ACER3: variants seen among roughly 807,000 people sequenced by gnomAD.
The protein encoded by ACER3 is alkCDase 3.
A neutral mutation model predicts 48.9 loss-of-function variants in ACER3; 16 were observed. The ratio of observed to expected loss-of-function variants is 0.33; its 90% CI spans 0.22 to 0.50. The LOEUF (loss-of-function observed/expected upper bound fraction) is 0.50. Among genes scored for constraint, ACER3 ranks in the 20% least tolerant of loss-of-function variants. The pLI, the probability that ACER3 is intolerant of heterozygous loss-of-function variation, is 0.98. For missense variants in ACER3, 227 were observed against 326.0 expected, an observed-to-expected ratio of 0.70 and a Z score of 2.34; for synonymous variants, 109 against 107.8, an observed-to-expected ratio of 1.01 and a Z score of -0.07.
At chr11:76,869,661 A>G (rs1945190266) in intron 1 of ACER3, among the ~76,000 whole-genome samples, 1 of 80,956 alleles carries the variant, frequency 1.2e-5, no homozygotes, top group Admixed American at 1.5e-4. Flanking sequence ...CCTTCTAGTC[A>G]CTGGCAACCA....
intron 2 of ACER3, among the ~76,000 whole-genome samples, chr11:76,954,593 T>G (rs1297096706): frequency 6.2e-5 from 2 of 32,158 alleles, no homozygotes; most frequent in Non-Finnish European, 2.1e-4. Flanking sequence ...TTTGGTTGGT[T>G]TTTTTTTTTG....
At chr11:76,998,447 A>AAGAGAAGAGAGGAGCTAC in intron 6 of ACER3, 2 of 294,446 alleles carry the variant, frequency 6.8e-6, no homozygotes, top group South Asian at 4.0e-5. Flanking sequence ...AGAGGAGCTA[A>AAGAGAAGAGAGGAGCTAC]AGATTATGAG....
intron 6 of ACER3, among the ~76,000 whole-genome samples, chr11:76,993,174 C>A (rs1168694990): frequency 6.6e-6 from 1 of 152,168 alleles, no homozygotes; most frequent in African/African-American, 2.4e-5. Context: ...CTGTGCCCAG[C>A]CTGAACAAAC....
intron 1 of ACER3, among the ~76,000 whole-genome samples, chr11:76,904,049 C>T (rs1946152248): frequency 6.6e-6 from 1 of 152,064 alleles, no homozygotes; most frequent in South Asian, 2.1e-4. Flanking sequence ...TGCAGTGGTG[C>T]AATTTTGGCT....
At chr11:76,941,901 T>A (rs1212743126) in intron 2 of ACER3, among the ~76,000 whole-genome samples, 1 of 152,088 alleles carries the variant, frequency 6.6e-6, no homozygotes, top group African/African-American at 2.4e-5. Context: ...GGTATTTTAT[T>A]ATTATTATCA....
At chr11:76,956,961 G>T (rs1015067378) in intron 2 of ACER3, among the ~76,000 whole-genome samples, 3 of 151,776 alleles carry the variant, frequency 2.0e-5, no homozygotes, top group African/African-American at 7.3e-5. Flanking sequence ...TTTTTCTCAG[G>T]TGGCTTCATA....
At chr11:76,898,676 G>T (rs1284987286) in intron 1 of ACER3, among the ~76,000 whole-genome samples, 1 of 151,494 alleles carries the variant, frequency 6.6e-6, no homozygotes, top group Non-Finnish European at 1.5e-5. Flanking sequence ...AGGCCGAGGC[G>T]GGCGGATGAC....
At chr11:76,948,131 A>G (rs920338076) in intron 2 of ACER3, among the ~76,000 whole-genome samples, 45 of 152,128 alleles carry the variant, frequency 3.0e-4, no homozygotes, top group African/African-American at 1.1e-3. Context: ...TCTAAGAAAA[A>G]AGGTATAAAA....
intron 2 of ACER3, among the ~76,000 whole-genome samples, chr11:76,935,604 G>A (rs1008095872): frequency 7.2e-5 from 11 of 152,142 alleles, no homozygotes; most frequent in African/African-American, 2.2e-4. Flanking sequence ...TGAAGAGGAA[G>A]TATAAGCCAA....
At chr11:76,963,872 C>CA (rs1948065192) in intron 3 of ACER3, among the ~76,000 whole-genome samples, 1 of 151,460 alleles carries the variant, frequency 6.6e-6, no homozygotes, top group Non-Finnish European at 1.5e-5. Flanking sequence ...CTCCAGTCTA[C>CA]AACTCTCGGC....
At chr11:76,880,186 T>C (rs886112961) in intron 1 of ACER3, among the ~76,000 whole-genome samples, 6 of 152,354 alleles carry the variant, frequency 3.9e-5, no homozygotes, top group Non-Finnish European at 8.8e-5. Flanking sequence ...TTTTTCCTTC[T>C]ACTTATTTTT....
intron 7 of ACER3, among the ~76,000 whole-genome samples, chr11:77,007,705 C>T (rs1555021330): frequency 6.6e-6 from 1 of 152,168 alleles, no homozygotes; most frequent in East Asian, 1.9e-4. Flanking sequence ...CTCACATGGT[C>T]TCTAAGGGAA....
At chr11:76,911,907 G>A (rs1055746935) in intron 1 of ACER3, among the ~76,000 whole-genome samples, 4 of 152,160 alleles carry the variant, frequency 2.6e-5, no homozygotes, top group African/African-American at 9.7e-5. Flanking sequence ...CCCCAATAGA[G>A]GCTAAAAGGA....
At chr11:77,011,366 A>T (rs976643884) in intron 7 of ACER3, 11 of 985,370 alleles carry the variant, frequency 1.1e-5, no homozygotes, top group Non-Finnish European at 1.3e-5. Context: ...AGAGCTGAAG[A>T]TTGGCCATGG....
chr11:76,952,685 T>TTTTAG (rs1555009510), intron 2 of ACER3, among the ~76,000 whole-genome samples: 1 of 144,858 alleles, frequency 6.9e-6, no homozygotes, highest in Admixed American at 6.8e-5. Flanking sequence ...TTTTTTTTTT[T>TTTTAG]AGACAGAGTC....
chr11:76,947,529 T>C (rs1947508283), intron 2 of ACER3, among the ~76,000 whole-genome samples: 1 of 152,252 alleles, frequency 6.6e-6, no homozygotes, highest in Admixed American at 6.5e-5. Context: ...CCTGGTCTAA[T>C]AGACTTTTAA....
intron 1 of ACER3, chr11:76,868,046 A>AT: frequency 1.7e-6 from 2 of 1,205,710 alleles, no homozygotes; most frequent in Non-Finnish European, 2.2e-6. Flanking sequence ...TATCTCTGCC[A>AT]TACAGGTATG....
chr11:76,983,128 G>A (rs1948620397), intron 4 of ACER3, among the ~76,000 whole-genome samples: 1 of 152,160 alleles, frequency 6.6e-6, no homozygotes, highest in African/African-American at 2.4e-5. Context: ...CCTGCTGGAA[G>A]ATTGACTGTA....
chr11:76,973,608 G>A (rs1247042644), intron 3 of ACER3, among the ~76,000 whole-genome samples: 1 of 152,166 alleles, frequency 6.6e-6, no homozygotes, highest in African/African-American at 2.4e-5. Context: ...GCCCCCTACA[G>A]ATGCCGAGTT....
Sources: allele counts gnomAD v4.1 joint callset (sites outside exome capture counted in the v4.1 genomes callset), GRCh38; gene constraint gnomAD v4.1.1; transcripts MANE v1.5; gene names NCBI Gene and HGNC (gene_info 2026-07-23, HGNC 2026-07-21).